Variants in TDRD15 observed in about 807,000 individuals in gnomAD.
The protein encoded by TDRD15 is tudor domain containing 15.
For synonymous variants in TDRD15, 503 were observed against 314.5 expected, an observed-to-expected ratio of 1.60 and a Z score of -6.34; for missense variants, 1,416 against 904.7, an observed-to-expected ratio of 1.57 and a Z score of -7.25.
At chr2:21,125,559 T>C (rs1665572656) in intron 1 of TDRD15, among the ~76,000 whole-genome samples, 1 of 151,636 alleles carries the variant, frequency 6.6e-6, no homozygotes, top group South Asian at 2.1e-4. Flanking sequence ...AGAGTTAGGG[T>C]GTGGAGGTGT....
intron 1 of TDRD15, among the ~76,000 whole-genome samples, chr2:21,125,477 G>A (rs1665568746): frequency 6.6e-6 from 1 of 150,858 alleles, no homozygotes; most frequent in Non-Finnish European, 1.5e-5. Context: ...ATGCCAAGTT[G>A]TGTGTGAGTT....
At chr2:21,135,054 TAA>T (rs893386080) in intron 3 of TDRD15, among the ~76,000 whole-genome samples, 401 of 145,338 alleles carry the variant, frequency 2.8e-3, no homozygotes, top group Non-Finnish European at 4.4e-3. Flanking sequence ...TTTATATATA[TAA>T]ATAATTATAT....
rs1394263514 is a variant in TDRD15 at position 21,138,468 on chromosome 2, C to T, written c.1001C>T (p.Ser334Leu). 1.4e-6 allele frequency: 1 copy of T among 714,540 alleles called. No individual in the cohort carries two copies. The highest frequency in any genetic ancestry group is 2.6e-6 in the Non-Finnish European group (1 of 383,924). 44.3% of individuals were successfully genotyped at this position (714,540 alleles called of 1,614,324 possible). A position where few individuals can be genotyped will look rare whatever the true frequency, so the allele number is the denominator to read the frequency against. The change falls in exon 4 of 4, where the codon TCA (serine) becomes TTA (leucine). Residue 334 changes from serine to leucine, a missense_variant. By Grantham distance (145) the Ser-to-Leu change is moderately radical. Coordinates refer to ENST00000405799, the MANE Select transcript of TDRD15 (RefSeq NM_001306137.2). ...MDYGSSEAIPSIYVKKLKQDF... is the reference protein window; with the variant it reads ...MDYGSSEAIPLIYVKKLKQDF... Reference sequence around the variant, plus strand: ...TATGGCAGTAGCGAGGCTATACCCTCAATTTATGTAAAGAAACTTAAACAG... The same window carrying T: ...TATGGCAGTAGCGAGGCTATACCCTTAATTTATGTAAAGAAACTTAAACAG...
rs1162690394 is a variant in TDRD15, at chr2:21,124,026, G to C, written c.-221G>C. On this transcript the variant is annotated 5_prime_UTR_variant, in exon 1 of 4. Coordinates refer to ENST00000405799, the MANE Select transcript of TDRD15 (RefSeq NM_001306137.2). Reference sequence around the variant, plus strand: ...TTTCCAGCTCTGGGAAGAGCGGCCTGACCCGCAGCAGAGATTCTTGGTAAA... The same window carrying C: ...TTTCCAGCTCTGGGAAGAGCGGCCTCACCCGCAGCAGAGATTCTTGGTAAA... 1 of 152,444 alleles carries C rather than the reference G, an allele frequency of 6.6e-6. No homozygotes were observed. Among genetic ancestry groups the C allele is most frequent in the African/African-American group, 2.4e-5 (1 of 41,468 alleles). The allele number at this position is 152,444 out of a possible 1,614,324, so 9.4% of individuals were successfully genotyped here. A position where few individuals can be genotyped will look rare whatever the true frequency, so the allele number is the denominator to read the frequency against.
Position 21,139,668 on chromosome 2 carries a change from C to T in TDRD15, c.2201C>T (p.Pro734Leu). The T allele has an allele frequency of 1.4e-6, 1 of 712,898 alleles. No homozygotes were observed. Among genetic ancestry groups the T allele is most frequent in the Non-Finnish European group, 2.6e-6 (1 of 383,316 alleles). The allele number at this position is 712,898 out of a possible 1,614,324, so 44.2% of individuals were successfully genotyped here. A position where few individuals can be genotyped will look rare whatever the true frequency, so the allele number is the denominator to read the frequency against. Residue 734 changes from proline to leucine, a missense_variant, in exon 4 of 4, where the codon CCT becomes CTT. Physicochemically the swap from Pro to Leu is moderately conservative, Grantham distance 98. Coordinates refer to ENST00000405799, the MANE Select transcript of TDRD15 (RefSeq NM_001306137.2). ...GTTAATATCTCAGAATTTAAAAATC[C>T]TTTCACCTTGTCTGTGGGACCTGAG... Reference protein sequence around the residue: ...LAVNISEFKNPFTLSVGPESS... With the variant: ...LAVNISEFKNLFTLSVGPESS...
Position 21,138,571 on chromosome 2 carries a change from A to G in TDRD15, c.1104A>G (p.Ile368Met). The G allele has an allele frequency of 1.4e-6, 1 of 714,756 alleles. No individual in the cohort carries two copies. Among genetic ancestry groups the G allele is most frequent in the Non-Finnish European group, 2.6e-6 (1 of 383,978 alleles). 44.3% of individuals were successfully genotyped at this position (714,756 alleles called of 1,614,324 possible). A position where few individuals can be genotyped will look rare whatever the true frequency, so the allele number is the denominator to read the frequency against. The change falls in exon 4 of 4, where the codon ATA becomes ATG. Residue 368 changes from isoleucine (I) to methionine (M), a missense_variant. By Grantham distance (10) the Ile-to-Met change is conservative. Transcript: ENST00000405799. ...CLHSPDRDAR[I>M]FQLSIFKQAL... ...ACAGTCCAGATAGAGATGCAAGAAT[A>G]TTTCAACTGAGTATATTTAAACAGG...
At chr2:21,132,314 AT>A (rs972028214) in intron 2 of TDRD15, among the ~76,000 whole-genome samples, 19 of 150,294 alleles carry the variant, frequency 1.3e-4, no homozygotes, top group East Asian at 1.2e-3. Context: ...GAAGCCACTG[AT>A]TTTTTTTTTC....
Position 21,142,530 on chromosome 2 carries a change from A to G in TDRD15, c.5063A>G (p.Tyr1688Cys), listed in dbSNP as rs1183934225. 1 of 700,242 alleles carries G rather than the reference A, an allele frequency of 1.4e-6. No homozygotes were observed. Among genetic ancestry groups the G allele is most frequent in the Non-Finnish European group, 2.6e-6 (1 of 378,932 alleles). 43.4% of individuals were successfully genotyped at this position (700,242 alleles called of 1,614,324 possible). A position where few individuals can be genotyped will look rare whatever the true frequency, so the allele number is the denominator to read the frequency against. ...GTAGATGACCTGTTACTTTTGGAAT[A>G]CTTAAATTTGAATACAGTTCCTGTT... ...ILVDDLLLLE[Y>C]LNLNTVPVEE... Residue 1688 changes from tyrosine (Y) to cysteine (C), a missense_variant, in exon 4 of 4, where the codon TAC becomes TGC. By Grantham distance (194) the Tyr-to-Cys change is radical (BLOSUM62 -2). Coordinates refer to ENST00000405799, the MANE Select transcript of TDRD15 (RefSeq NM_001306137.2).
intron 3 of TDRD15, among the ~76,000 whole-genome samples, chr2:21,136,249 T>C (rs949176653): frequency 6.6e-6 from 1 of 152,046 alleles, no homozygotes; most frequent in African/African-American, 2.4e-5. Context: ...ATTTAGACTT[T>C]GGTGAGACTT....
rs1421632306 is a variant in TDRD15 at position 21,141,572 on chromosome 2, C to A, written c.4105C>A (p.Pro1369Thr). The A allele has an allele frequency of 7.0e-6, 5 of 713,648 alleles. No individual in the cohort carries two copies. In the African/African-American group the frequency reaches 8.8e-5, roughly 13 times the overall value. 44.2% of individuals were successfully genotyped at this position (713,648 alleles called of 1,614,324 possible). ...CAGGGCAGTTATTAAGAAAATTTTG[C>A]CAGGAAATTCTTTTGAAGTAGAATT... Reference protein sequence around the residue: ...IYRAVIKKILPGNSFEVEFID... With the variant: ...IYRAVIKKILTGNSFEVEFID... Residue 1369 changes from proline (P) to threonine (T), a missense_variant, in exon 4 of 4, where the codon CCA (proline) becomes ACA (threonine). Pro to Thr is a conservative substitution (Grantham distance 38). Transcript: ENST00000405799.
Position 21,140,786 on chromosome 2 carries a change from T to C in TDRD15, c.3319T>C (p.Leu1107=). The stretch of plus-strand genomic sequence containing the variant: ...TAAAGACAATTTCTTGGGAAGATCA[T>C]TAAAGGCGATAATATTGTCCCAGGA... The part of the protein sequence containing the change: ...WFKDNFLGRS[L]KAIILSQESD... The change falls in exon 4 of 4, where the codon TTA becomes CTA. Residue 1107 remains leucine (L), a synonymous_variant. Transcript: ENST00000405799. The C allele has an allele frequency of 2.8e-6, 2 of 715,366 alleles. No individual in the cohort carries two copies. Among genetic ancestry groups the C allele is most frequent in the Non-Finnish European group, 5.2e-6 (2 of 383,624 alleles). 44.3% of individuals were successfully genotyped at this position (715,366 alleles called of 1,614,324 possible). A position where few individuals can be genotyped will look rare whatever the true frequency, so the allele number is the denominator to read the frequency against.
chr2:21,138,214 T>G lies in TDRD15; in HGVS notation c.747T>G (p.Ser249=). 2 of 716,400 alleles carry G rather than the reference T, an allele frequency of 2.8e-6. No homozygotes were observed. The highest frequency in any genetic ancestry group is 5.2e-6 in the Non-Finnish European group (2 of 384,430). The allele number at this position is 716,400 out of a possible 1,614,324, so 44.4% of individuals were successfully genotyped here. ...GTACTGAAAGTGTAAAGGTATCATC[T>G]GCATTGAGCCCAAGTAAATTTTATT... ...VGSTESVKVS[S]ALSPSKFYCQ... Residue 249 remains serine (S), a synonymous_variant, in exon 4 of 4, where the codon TCT becomes TCG. Coordinates refer to ENST00000405799, the MANE Select transcript of TDRD15 (RefSeq NM_001306137.2).
intron 1 of TDRD15, among the ~76,000 whole-genome samples, 160 bp from the exon 2 acceptor site, chr2:21,127,441 T>C (rs1172961602): frequency 1.3e-5 from 2 of 152,250 alleles, no homozygotes; most frequent in Admixed American, 1.3e-4. Context: ...TACATTTAGT[T>C]CTTATATGTG....
At chr2:21,133,959 A>C (rs944503335) in intron 2 of TDRD15, among the ~76,000 whole-genome samples, 1 of 152,164 alleles carries the variant, frequency 6.6e-6, no homozygotes, top group Admixed American at 6.5e-5. Context: ...ATTGAGTTAA[A>C]GTAGATTATG....
At position 21,142,048 on chromosome 2, in the gene TDRD15, A is replaced by G. The variant is rs1442611067; in HGVS notation, c.4581A>G (p.Gln1527=). 2 of 700,542 alleles carry G rather than the reference A, an allele frequency of 2.9e-6. No homozygotes were observed. The highest frequency in any genetic ancestry group is 3.6e-5 in the African/African-American group (2 of 56,066). The allele number at this position is 700,542 out of a possible 1,614,324, so 43.4% of individuals were successfully genotyped here. A position where few individuals can be genotyped will look rare whatever the true frequency, so the allele number is the denominator to read the frequency against. The change falls in exon 4 of 4, where the codon CAA becomes CAG. Residue 1527 remains glutamine, a synonymous_variant. Transcript: ENST00000405799. The part of the protein sequence containing the change: ...KIPLEEFKLG[Q]LEKAEMLNVS... ...CTTTGGAAGAATTCAAACTTGGACA[A>G]CTTGAAAAAGCTGAAATGCTTAATG...
rs953248502 is a variant in TDRD15 at position 21,137,820 on chromosome 2, C to T, written c.353C>T (p.Pro118Leu). Residue 118 changes from proline (P) to leucine (L), a missense_variant, in exon 4 of 4, where the codon CCG becomes CTG. By Grantham distance (98) the Pro-to-Leu change is moderately conservative. Transcript: ENST00000405799. Reference sequence around the variant, plus strand: ...GCCTGTGGCAATTTATTTGAGCTACCGCCACGGGTAGTATTTGGTATTTTT... The same window carrying T: ...GCCTGTGGCAATTTATTTGAGCTACTGCCACGGGTAGTATTTGGTATTTTT... ...ASACGNLFELPPRVVFGIFAN... is the reference protein window; with the variant it reads ...ASACGNLFELLPRVVFGIFAN... 4.2e-6 allele frequency: 3 copies of T among 716,170 alleles called. No individual in the cohort carries two copies. Among genetic ancestry groups the T allele is most frequent in the Middle Eastern group, 4.6e-4 (2 of 4,388 alleles). 44.4% of individuals were successfully genotyped at this position (716,170 alleles called of 1,614,324 possible).
intron 1 of TDRD15, among the ~76,000 whole-genome samples, chr2:21,126,684 A>G (rs919094312): frequency 2.0e-5 from 3 of 152,144 alleles, no homozygotes; most frequent in Non-Finnish European, 4.4e-5. Flanking sequence ...TTTATGCGTT[A>G]CGACTATTGT....
rs1486973920 is a variant in TDRD15, at chr2:21,142,136, ATAG to A, written c.4672_4674del (p.Val1558del). On this transcript the variant is annotated inframe_deletion, in exon 4 of 4. Transcript: ENST00000405799. ...AAATAAAAAAATTTTATCAGATTTA[ATAG>A]TATTAATTACGAAAGAAGAAAAAAA... The A allele has an allele frequency of 5.9e-6, 4 of 678,836 alleles. No individual in the cohort carries two copies. Among genetic ancestry groups the A allele is most frequent in the Admixed American group, 5.2e-5 (2 of 38,276 alleles). The allele number at this position is 678,836 out of a possible 1,614,324, so 42.1% of individuals were successfully genotyped here.
chr2:21,145,433 T>C (rs1414625652), downstream of TDRD15, among the ~76,000 whole-genome samples: 1 of 152,020 alleles, frequency 6.6e-6, no homozygotes, highest in Non-Finnish European at 1.5e-5. Flanking sequence ...TTTATGTTTT[T>C]TTTGGCCATC....
Sources: allele counts gnomAD v4.1 joint callset (sites outside exome capture counted in the v4.1 genomes callset), GRCh38; gene constraint gnomAD v4.1.1; transcripts MANE v1.5; gene names NCBI Gene and HGNC (gene_info 2026-07-23, HGNC 2026-07-21).